Variants in ZNF695 observed in about 807,000 individuals in gnomAD.
The protein encoded by ZNF695 is zinc finger protein SBZF3.
Under a neutral mutation model 11.2 loss-of-function variants are expected in ZNF695, and 11 were observed. The ratio of observed to expected loss-of-function variants is 0.98; its 90% CI spans 0.62 to 1.62. ZNF695 has a LOEUF of 1.62. Among genes scored for constraint, ZNF695 ranks in the 40% most tolerant of loss-of-function variants. The pLI is 0.00. For missense variants in ZNF695, 559 were observed against 590.5 expected, an observed-to-expected ratio of 0.95 and a Z score of 0.55; for synonymous variants, 190 against 201.4, an observed-to-expected ratio of 0.94 and a Z score of 0.48.
intron 5 of ZNF695, among the ~76,000 whole-genome samples, chr1:246,964,847 T>C (rs1482578176): frequency 6.6e-6 from 1 of 151,308 alleles, no homozygotes; most frequent in Non-Finnish European, 1.5e-5. Flanking sequence ...CTCCAGCCTG[T>C]GCAACAGAGT....
chr1:246,986,721 G>C lies in ZNF695; in HGVS notation c.*246C>G. On this transcript the variant is annotated 3_prime_UTR_variant, in exon 4 of 4. Transcript: ENST00000339986. Reference sequence around the variant, plus strand: ...TGAATACAGTTTGAGCAACTGGAGGGTTTCCCTCCAGTATAAATTCTTCTG... The same window carrying C: ...TGAATACAGTTTGAGCAACTGGAGGCTTTCCCTCCAGTATAAATTCTTCTG... 1.0e-5 allele frequency: 12 copies of C among 1,176,902 alleles called. No homozygotes were observed. The highest frequency in any genetic ancestry group is 1.3e-5 in the Non-Finnish European group (12 of 951,496). The allele number at this position is 1,176,902 out of a possible 1,614,324, so 72.9% of individuals were successfully genotyped here.
At chr1:246,995,212 C>A (rs1455800015) in intron 3 of ZNF695, among the ~76,000 whole-genome samples, 1 of 152,160 alleles carries the variant, frequency 6.6e-6, no homozygotes, top group African/African-American at 2.4e-5. Flanking sequence ...AAATTAAAAT[C>A]TTATAGATTA....
chr1:246,946,347 C>A (rs1035782165), intron 5 of ZNF695, among the ~76,000 whole-genome samples: 27 of 152,330 alleles, frequency 1.8e-4, no homozygotes, highest in African/African-American at 5.3e-4. Flanking sequence ...CCTGTTCTTG[C>A]CTTGCCACTT....
chr1:247,008,044 G>GC lies in ZNF695; in HGVS notation c.-137dup. 1.1e-5 allele frequency: 11 copies of GC among 1,001,936 alleles called. No homozygotes were observed. Among genetic ancestry groups the GC allele is most frequent in the Non-Finnish European group, 1.5e-5 (11 of 747,778 alleles). The allele number at this position is 1,001,936 out of a possible 1,614,324, so 62.1% of individuals were successfully genotyped here. On this transcript the variant is annotated 5_prime_UTR_variant, in exon 1 of 4. Transcript: ENST00000339986. Reference sequence around the variant, plus strand: ...ACGGGAACCCAGCACCCCGCCGGCCGCAAGGAGACAAAGGCCCCGCCAGAT... The same window carrying GC: ...ACGGGAACCCAGCACCCCGCCGGCCGCCAAGGAGACAAAGGCCCCGCCAGAT...
At chr1:246,996,419 A>C (rs1054360185) in intron 3 of ZNF695, among the ~76,000 whole-genome samples, 2 of 152,192 alleles carry the variant, frequency 1.3e-5, no homozygotes, top group Admixed American at 6.5e-5. Context: ...AAACAAAACA[A>C]AACAAAACAA....
Position 246,960,737 on chromosome 1 carries a change from C to T in ZNF695, c.488+6958G>A, listed in dbSNP as rs187792952. On this transcript the variant is annotated intron_variant, in intron 5 of 5. Coordinates refer to the ZNF695 transcript ENST00000487338. ...GGTGGATCCCTTGAGCCCAGGAGTT[C>T]GCGAGCAGCCTGGGCAACATGGCAA... 4.8e-4 allele frequency among the ~76,000 whole-genome samples: 73 copies of T among 152,136 alleles called. 2 individuals are homozygous for T. In the East Asian group the frequency reaches 5.6e-3, roughly 12 times the overall value.
intron 3 of ZNF695, among the ~76,000 whole-genome samples, chr1:246,993,355 C>T (rs898270512): frequency 4.6e-5 from 7 of 151,754 alleles, no homozygotes; most frequent in Non-Finnish European, 8.8e-5. Flanking sequence ...TGCAGTGAGC[C>T]GAGATTGCAG....
At chr1:247,007,879 T>C in intron 1 of ZNF695, 27 bp downstream of exon 1, 1 of 1,542,000 alleles carries the variant, frequency 6.5e-7, no homozygotes, top group Non-Finnish European at 8.8e-7. Context: ...CTCTCCCTTC[T>C]CGGGACACCC....
intron 3 of ZNF695, chr1:246,996,240 C>T (rs1487386153): frequency 1.0e-5 from 3 of 299,348 alleles, no homozygotes; most frequent in Non-Finnish European, 1.9e-5. Context: ...CCTGTAGTCC[C>T]AGCAACCCAG....
chr1:246,979,526 C>A (rs556993063), intron 4 of ZNF695, among the ~76,000 whole-genome samples: 25 of 152,288 alleles, frequency 1.6e-4, no homozygotes, highest in African/African-American at 6.0e-4. Flanking sequence ...CTTCAGCTCT[C>A]CTCTTCTTTC....
chr1:246,955,384 TA>T (rs947859770), intron 5 of ZNF695, among the ~76,000 whole-genome samples: 3 of 152,322 alleles, frequency 2.0e-5, no homozygotes, highest in African/African-American at 7.2e-5. Context: ...ATTGTAACCT[TA>T]GGGGATCACT....
chr1:246,993,430 A>C (rs2103027154), intron 3 of ZNF695, among the ~76,000 whole-genome samples: 1 of 151,856 alleles, frequency 6.6e-6, no homozygotes, highest in East Asian at 1.9e-4. Flanking sequence ...AAACAAACAA[A>C]CAAAAAAAAA....
chr1:246,960,417 A>G (rs1449413450), intron 5 of ZNF695, among the ~76,000 whole-genome samples: 3 of 152,166 alleles, frequency 2.0e-5, no homozygotes, highest in African/African-American at 4.8e-5. Flanking sequence ...AGTTTCTCCA[A>G]TGCTGTTTGT....
chr1:246,972,613 C>T (rs570237721), intron 4 of ZNF695, among the ~76,000 whole-genome samples: 68 of 152,190 alleles, frequency 4.5e-4, no homozygotes, highest in Middle Eastern at 6.8e-3. Flanking sequence ...CTCCACCTCC[C>T]GGGTTCAAGC....
intron 5 of ZNF695, among the ~76,000 whole-genome samples, chr1:246,959,289 A>AT: frequency 1.9e-5 from 1 of 53,270 alleles, no homozygotes; most frequent in African/African-American, 9.1e-5. Context: ...TCTCAAAAAA[A>AT]AAAAAAAAAA....
In ZNF695 at chr1:246,973,062, A is replaced by T. The variant is rs57319468; in HGVS notation, c.391-5270T>A. On this transcript the variant is annotated intron_variant, in intron 4 of 5. Coordinates refer to the ZNF695 transcript ENST00000487338. ...ACTAAGAACATATATATATATATATATTTTGAGACGGAGTTTCACTCTTGT... is the reference window on the plus strand; with the variant it reads ...ACTAAGAACATATATATATATATATTTTTTGAGACGGAGTTTCACTCTTGT... 2.8e-3 allele frequency among the ~76,000 whole-genome samples: 418 copies of T among 150,676 alleles called. 4 individuals are homozygous for T. The highest frequency in any genetic ancestry group is 9.8e-3 in the African/African-American group (402 of 41,080).
chr1:246,959,302 AAAAAAAAAATATATATATATATATAT>A (rs1668092975), intron 5 of ZNF695, among the ~76,000 whole-genome samples: 2 of 70,868 alleles, frequency 2.8e-5, no homozygotes, highest in African/African-American at 1.3e-4. Context: ...AAAAAAAAAA[AAAAAAAAAATATATATATATATATAT>A]ATATATATAT....
chr1:246,987,052 C>G lies in ZNF695; in HGVS notation c.1463G>C (p.Arg488Thr), dbSNP rs1668871580. Residue 488 changes from arginine to threonine, a missense_variant, in exon 4 of 4, where the codon AGA becomes ACA. Transcript: ENST00000339986. ...TTCCTCACACTTGTATGGTTTCTCT[C>G]TGGTATGAATTGTCTTATGTTTAGA... is the stretch of plus-strand genomic sequence containing the variant. ...HLSKHKTIHTREKPYKCEECG... is the reference protein window; with the variant it reads ...HLSKHKTIHTTEKPYKCEECG... 1 of 1,613,864 alleles carries G rather than the reference C, an allele frequency of 6.2e-7. No individual in the cohort carries two copies. The highest frequency in any genetic ancestry group is 2.2e-5 in the East Asian group (1 of 44,852).
chr1:246,949,893 A>G (rs1400767243), intron 5 of ZNF695, among the ~76,000 whole-genome samples: 1 of 152,242 alleles, frequency 6.6e-6, no homozygotes, highest in African/African-American at 2.4e-5. Context: ...ATCGTATAAA[A>G]GTGACATTCT....
Sources: gnomAD v4.1 joint callset for allele counts (sites outside exome capture counted in the v4.1 genomes callset) on GRCh38, gnomAD v4.1.1 for gene constraint, MANE v1.5 for transcripts, NCBI Gene and HGNC (gene_info 2026-07-23, HGNC 2026-07-21) for gene names.